Variants in FAM135B observed in about 807,000 individuals in gnomAD.
FAM135B encodes the protein family with sequence similarity 135 member B, also known as protein FAM135B.
FAM135B carries 43 observed loss-of-function variants against 127.7 expected under a neutral mutation model. The observed-to-expected ratio is 0.34, with a 90% CI of 0.26 to 0.43. The LOEUF (loss-of-function observed/expected upper bound fraction) is 0.43. Ranked by LOEUF, FAM135B falls within the 20% of genes least tolerant of loss-of-function variation. The probability of loss-of-function intolerance (pLI) is 1.00; values close to 1 mark genes in which losing one functional copy is unlikely to be tolerated. For synonymous variants in FAM135B, 670 were observed against 665.1 expected, an observed-to-expected ratio of 1.01 and a Z score of -0.11; for missense variants, 1,558 against 1,725.6, an observed-to-expected ratio of 0.90 and a Z score of 1.72.
intron 3 of FAM135B, among the ~76,000 whole-genome samples, chr8:138,278,429 A>T (rs1044163539): frequency 6.6e-6 from 1 of 151,690 alleles, no homozygotes; most frequent in South Asian, 2.1e-4. Context: ...CAAAAGCAAT[A>T]TGTGTTTGCT....
At chr8:138,428,631 T>C (rs1185749031) in intron 1 of FAM135B, among the ~76,000 whole-genome samples, 1 of 152,080 alleles carries the variant, frequency 6.6e-6, no homozygotes, top group Non-Finnish European at 1.5e-5. Context: ...GAAGCAAACT[T>C]AGAACCCACT....
In FAM135B at chr8:138,285,082, T is replaced by A. The variant is rs183023409; in HGVS notation, c.158-19240A>T. Among the ~76,000 whole-genome samples, 474 of 151,322 alleles carry A rather than the reference T, an allele frequency of 3.1e-3. 3 individuals carry two copies. Among genetic ancestry groups the A allele is most frequent in the African/African-American group, 0.011 (436 of 41,298 alleles). On this transcript the variant is annotated intron_variant, in intron 3 of 19. Coordinates refer to ENST00000395297, the MANE Select transcript of FAM135B (RefSeq NM_015912.4). ...AATATAGAGAAGTCAAAGTATTCAC[T>A]TGATGAAATGAAATTAAAAATCAAA...
intron 1 of FAM135B, among the ~76,000 whole-genome samples, chr8:138,481,539 A>G (rs1400363935): frequency 6.6e-6 from 1 of 152,216 alleles, no homozygotes; most frequent in African/African-American, 2.4e-5. Flanking sequence ...TGGCTGCACC[A>G]TTCCCTTAGG....
intron 3 of FAM135B, among the ~76,000 whole-genome samples, chr8:138,307,832 C>G (rs1287666054): frequency 1.3e-5 from 2 of 151,768 alleles, no homozygotes; most frequent in African/African-American, 4.8e-5. Context: ...TCAAAGACAT[C>G]ATTAAAGTCC....
chr8:138,339,155 T>C (rs1223479449), intron 2 of FAM135B, among the ~76,000 whole-genome samples: 2 of 151,790 alleles, frequency 1.3e-5, no homozygotes, highest in African/African-American at 4.8e-5. Flanking sequence ...ATACACCTAA[T>C]GTTAAATGAT....
At chr8:138,186,609 C>A (rs953893202) in intron 9 of FAM135B, among the ~76,000 whole-genome samples, 10 of 152,238 alleles carry the variant, frequency 6.6e-5, no homozygotes, top group African/African-American at 2.2e-4. Flanking sequence ...AAGCACACCC[C>A]CATACACCCT....
At chr8:138,276,736 C>T (rs938187706) in intron 3 of FAM135B, among the ~76,000 whole-genome samples, 2 of 152,182 alleles carry the variant, frequency 1.3e-5, no homozygotes, top group African/African-American at 2.4e-5. Flanking sequence ...GGGCACACAC[C>T]CACACACCAG....
intron 3 of FAM135B, among the ~76,000 whole-genome samples, chr8:138,279,787 C>T (rs1326411023): frequency 1.3e-5 from 2 of 152,186 alleles, no homozygotes; most frequent in African/African-American, 4.8e-5. Flanking sequence ...CTCCCTCTCA[C>T]CCTCTATTGT....
intron 11 of FAM135B, among the ~76,000 whole-genome samples, chr8:138,174,068 C>T (rs1185934339): frequency 1.3e-5 from 2 of 152,190 alleles, no homozygotes; most frequent in African/African-American, 4.8e-5. Context: ...GCAAAAGTTT[C>T]AGCAGACAGT....
chr8:138,468,375 C>G (rs1023584499), intron 1 of FAM135B, among the ~76,000 whole-genome samples: 2 of 152,166 alleles, frequency 1.3e-5, no homozygotes, highest in African/African-American at 4.8e-5. Context: ...TCATGACTCT[C>G]TATCTATGGA....
At chr8:138,417,453 G>T (rs1264230732) in intron 1 of FAM135B, among the ~76,000 whole-genome samples, 1 of 152,132 alleles carries the variant, frequency 6.6e-6, no homozygotes, top group African/African-American at 2.4e-5. Context: ...TTGCTGCTTT[G>T]CTAGTGCTCA....
At chr8:138,491,142 CAAAAAAA>C (rs796189435) in intron 1 of FAM135B, among the ~76,000 whole-genome samples, 2 of 73,740 alleles carry the variant, frequency 2.7e-5, no homozygotes, top group African/African-American at 4.5e-5. Flanking sequence ...AACTCTCTCT[CAAAAAAA>C]AAAAAAAAAA....
At chr8:138,409,248 C>T (rs977973377) in intron 1 of FAM135B, among the ~76,000 whole-genome samples, 9 of 151,954 alleles carry the variant, frequency 5.9e-5, no homozygotes, top group African/African-American at 2.2e-4. Flanking sequence ...GGAGGGCCAA[C>T]GAGAGGAGAA....
intron 1 of FAM135B, among the ~76,000 whole-genome samples, chr8:138,378,808 G>A (rs1831654590): frequency 6.6e-6 from 1 of 151,772 alleles, no homozygotes; most frequent in African/African-American, 2.4e-5. Flanking sequence ...TTTTCTTTGA[G>A]ATTCTATGTC....
intron 1 of FAM135B, among the ~76,000 whole-genome samples, chr8:138,415,631 A>T (rs1350704072): frequency 6.6e-6 from 1 of 152,216 alleles, no homozygotes; most frequent in East Asian, 1.9e-4. Flanking sequence ...AAGCTTCCCA[A>T]GGAAAAAAGC....
At position 138,426,081 on chromosome 8, in the gene FAM135B, A is replaced by AAAAT. The variant is rs1554690942; in HGVS notation, c.-19-58080_-19-58079insATTT. Among the ~76,000 whole-genome samples the AAAAT allele has an allele frequency of 2.7e-4, 36 of 133,164 alleles. 3 individuals carry two copies. Among genetic ancestry groups the AAAAT allele is most frequent in the African/African-American group, 1.0e-3 (35 of 35,136 alleles). The allele number at this position is 133,164 out of a possible 152,430, so 87.4% of individuals were successfully genotyped here. A position where few individuals can be genotyped will look rare whatever the true frequency, so the allele number is the denominator to read the frequency against. ...TATATACACACACACACATATATAA[A>AAAAT]ATGTTTTATGTATGTTTTATATATA... On this transcript the variant is annotated intron_variant, in intron 1 of 19. Transcript: ENST00000395297.
intron 1 of FAM135B, among the ~76,000 whole-genome samples, chr8:138,419,957 T>G (rs1345073123): frequency 6.6e-6 from 1 of 151,742 alleles, no homozygotes; most frequent in Non-Finnish European, 1.5e-5. Flanking sequence ...GCAAATGAAC[T>G]CCAAAGCTAG....
At chr8:138,225,455 C>CAAA (rs67074047) in intron 7 of FAM135B, among the ~76,000 whole-genome samples, 6 of 136,928 alleles carry the variant, frequency 4.4e-5, no homozygotes, top group African/African-American at 1.1e-4. Context: ...GCCAAAAAAA[C>CAAA]AAAAAAAAAA....
intron 1 of FAM135B, among the ~76,000 whole-genome samples, chr8:138,415,359 T>A (rs1227055582): frequency 6.6e-6 from 1 of 152,180 alleles, no homozygotes; most frequent in Non-Finnish European, 1.5e-5. Flanking sequence ...AACAGCTCCC[T>A]TCCCACAATG....
Sources: allele counts gnomAD v4.1 joint callset (sites outside exome capture counted in the v4.1 genomes callset), GRCh38; gene constraint gnomAD v4.1.1; transcripts MANE v1.5; gene names NCBI Gene and HGNC (gene_info 2026-07-23, HGNC 2026-07-21).